CTTNBP2: variants seen among roughly 807,000 people sequenced by gnomAD.
CTTNBP2 encodes cortactin binding protein 2.
A neutral mutation model predicts 156.9 loss-of-function variants in CTTNBP2; 108 were observed. That is an observed-to-expected ratio of 0.69 (90% CI 0.59 to 0.81). The LOEUF (loss-of-function observed/expected upper bound fraction) is 0.81, where lower values mean the gene tolerates loss of function less well. CTTNBP2 is among the 30% of genes least tolerant of loss of function. CTTNBP2 has a pLI of 0.00. For synonymous variants in CTTNBP2, 767 were observed against 751.8 expected (o/e 1.02, Z -0.33); for missense variants, 1,924 against 2,035.4 (o/e 0.95, Z 1.05).
chr7:117,843,743 C>G (rs1236587407), intron 2 of CTTNBP2, among the ~76,000 whole-genome samples: 1 of 152,160 alleles, frequency 6.6e-6, no homozygotes, highest in East Asian at 1.9e-4. Flanking sequence ...CTATGGAAAA[C>G]AGAAACCGGA....
chr7:117,713,138 A>G (rs1026728862), intron 22 of CTTNBP2, among the ~76,000 whole-genome samples: 2 of 152,190 alleles, frequency 1.3e-5, no homozygotes, highest in African/African-American at 2.4e-5. Context: ...GAACAGTTTC[A>G]TCCGGAAACT....
chr7:117,718,047 T>TAATA lies in CTTNBP2; in HGVS notation c.4713_4716dup (p.Asn1573TyrfsTer2). The TAATA allele has an allele frequency of 6.2e-7, 1 of 1,611,738 alleles. No homozygotes were observed. The highest frequency in any genetic ancestry group is 8.5e-7 in the Non-Finnish European group (1 of 1,177,948). ...TGTGACACTGGCATTCTCAGATTATTAATAGTTGCTGAAAGTACAGGGTTG... is the reference window on the plus strand; with the variant it reads ...TGTGACACTGGCATTCTCAGATTATTAATAAATAGTTGCTGAAAGTACAGGGTTG... On this transcript the variant is annotated frameshift_variant, in exon 22 of 23. Coordinates refer to ENST00000160373, the MANE Select transcript of CTTNBP2 (RefSeq NM_033427.3). LOFTEE classifies it high-confidence loss of function.
chr7:117,823,962 T>TA (rs1301523295), intron 2 of CTTNBP2, among the ~76,000 whole-genome samples: 1 of 152,014 alleles, frequency 6.6e-6, no homozygotes, highest in Non-Finnish European at 1.5e-5. Flanking sequence ...TTTTTTTTTT[T>TA]TCAAGCAGCT....
chr7:117,764,407 A>G (rs1375488880), intron 9 of CTTNBP2, among the ~76,000 whole-genome samples: 1 of 152,082 alleles, frequency 6.6e-6, no homozygotes, highest in Non-Finnish European at 1.5e-5. Context: ...CTGCTAGTTC[A>G]CCTGGAATGG....
chr7:117,802,448 A>C (rs933866007), intron 3 of CTTNBP2, among the ~76,000 whole-genome samples: 6 of 142,854 alleles, frequency 4.2e-5, no homozygotes, highest in Non-Finnish European at 6.2e-5. Context: ...AAAAAAAAAA[A>C]AAAAAAAAAC....
At chr7:117,800,090 T>G (rs375660833) in intron 3 of CTTNBP2, among the ~76,000 whole-genome samples, 26 of 151,966 alleles carry the variant, frequency 1.7e-4, no homozygotes, top group South Asian at 8.3e-4. Flanking sequence ...GTCTATAGAT[T>G]CAATGAAATT....
intron 8 of CTTNBP2, among the ~76,000 whole-genome samples, chr7:117,776,416 T>C (rs1798101182): frequency 6.6e-6 from 1 of 152,218 alleles, no homozygotes; most frequent in Non-Finnish European, 1.5e-5. Flanking sequence ...TCACTTTGAC[T>C]AGTAAATTAA....
At chr7:117,730,739 T>C (rs1283108848) in intron 16 of CTTNBP2, among the ~76,000 whole-genome samples, 1 of 151,736 alleles carries the variant, frequency 6.6e-6, no homozygotes, top group Non-Finnish European at 1.5e-5. Flanking sequence ...CTGGCTGATA[T>C]ACAGACTTGG....
chr7:117,841,438 C>T (rs1164444495), intron 2 of CTTNBP2, among the ~76,000 whole-genome samples: 1 of 151,980 alleles, frequency 6.6e-6, no homozygotes, highest in Non-Finnish European at 1.5e-5. Flanking sequence ...CCTTTCATCT[C>T]CATCCTTTCA....
chr7:117,761,688 T>A (rs990145042), intron 9 of CTTNBP2, among the ~76,000 whole-genome samples: 1 of 152,218 alleles, frequency 6.6e-6, no homozygotes, highest in Non-Finnish European at 1.5e-5. Context: ...GTATTACCTT[T>A]AGTTTGCTTC....
At chr7:117,864,100 A>T (rs1803949836) in intron 1 of CTTNBP2, among the ~76,000 whole-genome samples, 1 of 152,262 alleles carries the variant, frequency 6.6e-6, no homozygotes, top group Admixed American at 6.5e-5. Context: ...TATTAGAGTC[A>T]GGAGAGCCTG....
At chr7:117,801,881 T>C (rs1004051822) in intron 3 of CTTNBP2, among the ~76,000 whole-genome samples, 1 of 152,148 alleles carries the variant, frequency 6.6e-6, no homozygotes, top group African/African-American at 2.4e-5. Flanking sequence ...AATTAAAAGT[T>C]TGGAAAATGT....
At chr7:117,744,822 C>T (rs143960815) in intron 14 of CTTNBP2, among the ~76,000 whole-genome samples, 2 of 152,286 alleles carry the variant, frequency 1.3e-5, no homozygotes, top group Non-Finnish European at 2.9e-5. Context: ...GCTTGTGCCC[C>T]AGAAATCGAG....
chr7:117,719,283 C>A (rs563757489), intron 21 of CTTNBP2, among the ~76,000 whole-genome samples: 4 of 152,266 alleles, frequency 2.6e-5, no homozygotes, highest in African/African-American at 9.6e-5. Flanking sequence ...AACTTCAGGT[C>A]TTGGAGGAGT....
intron 2 of CTTNBP2, among the ~76,000 whole-genome samples, chr7:117,851,101 T>C (rs781628575): frequency 2.0e-5 from 3 of 152,024 alleles, no homozygotes; most frequent in Admixed American, 6.6e-5. Context: ...TGTCACCAGT[T>C]AGAAAATAAT....
chr7:117,819,573 G>T (rs1414025691), intron 2 of CTTNBP2, among the ~76,000 whole-genome samples: 1 of 152,022 alleles, frequency 6.6e-6, no homozygotes, highest in Non-Finnish European at 1.5e-5. Context: ...ACTTAAATGA[G>T]AAAAGAACGG....
chr7:117,766,362 T>C (rs1192450921), intron 9 of CTTNBP2, among the ~76,000 whole-genome samples: 2 of 152,230 alleles, frequency 1.3e-5, no homozygotes, highest in African/African-American at 4.8e-5. Context: ...TTTGCATATA[T>C]GCTTCCTTAC....
chr7:117,806,851 C>T (rs1000816379), intron 3 of CTTNBP2, among the ~76,000 whole-genome samples: 4 of 150,858 alleles, frequency 2.7e-5, no homozygotes, highest in Admixed American at 1.3e-4. Flanking sequence ...CTCTGCCTCC[C>T]AGGGTCAAGC....
intron 7 of CTTNBP2, among the ~76,000 whole-genome samples, chr7:117,778,059 A>T (rs1022962730): frequency 6.6e-6 from 1 of 152,218 alleles, no homozygotes; most frequent in Non-Finnish European, 1.5e-5. Flanking sequence ...AGCATTATGT[A>T]TGGTAAATCA....
Sources: allele counts gnomAD v4.1 joint callset (sites outside exome capture counted in the v4.1 genomes callset), GRCh38; gene constraint gnomAD v4.1.1; transcripts MANE v1.5; gene names NCBI Gene and HGNC (gene_info 2026-07-23, HGNC 2026-07-21).